ELMOD3: variants seen among roughly 807,000 people sequenced by gnomAD.
The protein encoded by ELMOD3 is ELMO domain containing 3, also known as ELMO domain-containing protein 3.
In ELMOD3, 36 loss-of-function variants were observed where a neutral mutation model predicts 47.4. The ratio of observed to expected loss-of-function variants is 0.76; its 90% CI spans 0.58 to 1.00. ELMOD3 has a LOEUF of 1.00. Among genes scored for constraint, ELMOD3 ranks in the 50% least tolerant of loss-of-function variants. ELMOD3 has a pLI of 0.00. For missense variants in ELMOD3, 404 were observed against 463.8 expected (o/e 0.87, Z 1.18); for synonymous variants, 149 against 183.5 (o/e 0.81, Z 1.52).
Position 85,384,574 on chromosome 2 carries a change from GT to G in ELMOD3, c.739-5176del, listed in dbSNP as rs199582996. On this transcript the variant is annotated intron_variant, in intron 11 of 13. Transcript: ENST00000409013. Reference sequence around the variant, plus strand: ...TTATGGTTTTCTCAAGTAGCAAAAGGTAGCAATCCCTCCATTTTATTTTTAT... The same window carrying G: ...TTATGGTTTTCTCAAGTAGCAAAAGGAGCAATCCCTCCATTTTATTTTTAT... Among the ~76,000 whole-genome samples, 10 of 152,166 alleles carry G rather than the reference GT, an allele frequency of 6.6e-5. No homozygotes were observed. The East Asian group carries it at 1.9e-3, about 29-fold the overall frequency.
chr2:85,380,630 A>G (rs1191803397), intron 11 of ELMOD3, among the ~76,000 whole-genome samples: 1 of 152,188 alleles, frequency 6.6e-6, no homozygotes, highest in African/African-American at 2.4e-5. Context: ...GGTTCAAGCG[A>G]TTCTACTGCC....
intron 13 of ELMOD3, 167 bp downstream of exon 13, chr2:85,390,432 T>C (rs770473006): frequency 1.2e-6 from 2 of 1,614,208 alleles, no homozygotes; most frequent in Non-Finnish European, 1.7e-6. Flanking sequence ...AGTCTGCTAG[T>C]TCTCCTTTCT....
At chr2:85,380,408 G>C (rs1558713038) in intron 11 of ELMOD3, among the ~76,000 whole-genome samples, 1 of 152,194 alleles carries the variant, frequency 6.6e-6, no homozygotes, top group East Asian at 1.9e-4. Context: ...TGATATTCAT[G>C]AACATTTTAG....
At chr2:85,380,178 G>C (rs1451785000) in intron 11 of ELMOD3, among the ~76,000 whole-genome samples, 1 of 152,160 alleles carries the variant, frequency 6.6e-6, no homozygotes, top group Non-Finnish European at 1.5e-5. Context: ...CATAAATTAA[G>C]AATACTCACA....
intron 11 of ELMOD3, chr2:85,387,048 C>T (rs949451009): frequency 7.8e-7 from 1 of 1,283,694 alleles, no homozygotes; most frequent in Non-Finnish European, 1.0e-6. Context: ...AGTTCAGGTC[C>T]TCTGTTAATA....
At chr2:85,377,583 C>T (rs951682475) in intron 11 of ELMOD3, 109 bp downstream of exon 11, 19 of 1,204,002 alleles carry the variant, frequency 1.6e-5, no homozygotes, top group African/African-American at 9.3e-5. Context: ...TGGGCTTCCC[C>T]GTCAGTCTGA....
rs1379080781 is a variant in ELMOD3, at chr2:85,363,085, C to G, written c.130-12C>G. ...ATTCTATCCTCAAGCTAAAGGTCAGCTGCCTCTACAGATCTCAGAGTTGAA... is the reference window on the plus strand; with the variant it reads ...ATTCTATCCTCAAGCTAAAGGTCAGGTGCCTCTACAGATCTCAGAGTTGAA... On this transcript the variant is annotated splice_polypyrimidine_tract_variant and intron_variant, in intron 5 of 13. Coordinates refer to ENST00000409013, the MANE Select transcript of ELMOD3 (RefSeq NM_001135022.2). 1.9e-6 allele frequency: 3 copies of G among 1,587,864 alleles called. No individual in the cohort carries two copies.
intron 11 of ELMOD3, 185 bp from the exon 12 acceptor site, chr2:85,389,566 C>T (rs138123170): frequency 1.1e-4 from 68 of 610,428 alleles, no homozygotes; most frequent in African/African-American, 9.4e-4. Context: ...TACTAAAGGT[C>T]ACTGAGCCTT....
chr2:85,359,202 A>G (rs957052310), intron 4 of ELMOD3, among the ~76,000 whole-genome samples: 1 of 152,188 alleles, frequency 6.6e-6, no homozygotes, highest in African/African-American at 2.4e-5. Context: ...ACATGGATGA[A>G]TATATCTGTT....
chr2:85,369,963 C>T, intron 8 of ELMOD3, 133 bp downstream of exon 8: 1 of 1,115,044 alleles, frequency 9.0e-7, no homozygotes, highest in Non-Finnish European at 1.2e-6. Flanking sequence ...TCATGGGTGG[C>T]CTAGGACCCA....
chr2:85,391,184 A>C lies in ELMOD3; in HGVS notation c.*222A>C. On this transcript the variant is annotated 3_prime_UTR_variant, in exon 14 of 14. Coordinates refer to ENST00000409013, the MANE Select transcript of ELMOD3 (RefSeq NM_001135022.2). Reference sequence around the variant, plus strand: ...TTCCCGCAGACCTGCCTCCAGAGCAAGGAGAATTCTGCCTTAATCTGTTGG... The same window carrying C: ...TTCCCGCAGACCTGCCTCCAGAGCACGGAGAATTCTGCCTTAATCTGTTGG... 1.8e-6 allele frequency: 1 copy of C among 554,072 alleles called. No individual in the cohort carries two copies. Among genetic ancestry groups the C allele is most frequent in the African/African-American group, 1.9e-5 (1 of 53,016 alleles). The allele number at this position is 554,072 out of a possible 1,614,324, so 34.3% of individuals were successfully genotyped here.
intron 7 of ELMOD3, 100 bp downstream of exon 7, chr2:85,368,854 T>A: frequency 1.6e-6 from 2 of 1,253,822 alleles, no homozygotes; most frequent in Non-Finnish European, 2.3e-6. Context: ...GACTAGGAGA[T>A]AGAATTCCTG....
chr2:85,363,281 G>A (rs754245156), intron 6 of ELMOD3, 115 bp downstream of exon 6: 6 of 662,928 alleles, frequency 9.1e-6, no homozygotes, highest in African/African-American at 1.8e-5. Context: ...GAATTTTGTA[G>A]ATGTATCAGT....
intron 13 of ELMOD3, chr2:85,390,495 C>A: frequency 6.2e-7 from 1 of 1,605,456 alleles, no homozygotes; most frequent in Non-Finnish European, 8.5e-7. Context: ...AGCATATATT[C>A]TGATCAAAAA....
intron 12 of ELMOD3, 81 bp downstream of exon 12, chr2:85,389,908 C>G (rs781647622): frequency 3.4e-5 from 45 of 1,333,592 alleles, no homozygotes; most frequent in Non-Finnish European, 4.6e-5. Context: ...TTCCCCAGCT[C>G]TACTCCACCT....
At chr2:85,385,687 A>G (rs1336472929) in intron 11 of ELMOD3, among the ~76,000 whole-genome samples, 1 of 152,178 alleles carries the variant, frequency 6.6e-6, no homozygotes, top group Non-Finnish European at 1.5e-5. Context: ...AGGGCCTAGC[A>G]GGCCATGGAA....
chr2:85,388,410 A>G (rs948575219), intron 11 of ELMOD3, among the ~76,000 whole-genome samples: 84 of 152,226 alleles, frequency 5.5e-4, no homozygotes, highest in African/African-American at 1.8e-3. Context: ...CTCAGGCTCT[A>G]AGGAGTCTCA....
At position 85,381,593 on chromosome 2, in the gene ELMOD3, T is replaced by C. The variant is rs116168788; in HGVS notation, c.738+4119T>C. Among the ~76,000 whole-genome samples the C allele has an allele frequency of 1.4e-3, 218 of 152,358 alleles. 1 individual carries two copies. Among genetic ancestry groups the C allele is most frequent in the African/African-American group, 4.4e-3 (183 of 41,582 alleles). ...TCTGATGCAGGGGCTCATGTGCTGC[T>C]TTTGCATCAGTGTGCCTTTGACATT... On this transcript the variant is annotated intron_variant, in intron 11 of 13. Coordinates refer to ENST00000409013, the MANE Select transcript of ELMOD3 (RefSeq NM_001135022.2).
At chr2:85,371,828 G>T in intron 10 of ELMOD3, 1 of 343,412 alleles carries the variant, frequency 2.9e-6, no homozygotes, top group Non-Finnish European at 5.5e-6. Flanking sequence ...GAGGTCCTGA[G>T]TTCGAGACCA....
Sources: allele counts gnomAD v4.1 joint callset (sites outside exome capture counted in the v4.1 genomes callset), GRCh38; gene constraint gnomAD v4.1.1; transcripts MANE v1.5; gene names NCBI Gene and HGNC (gene_info 2026-07-23, HGNC 2026-07-21).